JPT2: variants seen among roughly 807,000 people sequenced by gnomAD.
JPT2 encodes Jupiter microtubule associated homolog 2.
Under a neutral mutation model 15.9 loss-of-function variants are expected in JPT2, and 9 were observed. The ratio of observed to expected loss-of-function variants is 0.57; its 90% CI spans 0.34 to 0.99. The LOEUF (loss-of-function observed/expected upper bound fraction) is 0.99. Among genes scored for constraint, JPT2 ranks in the 50% least tolerant of loss-of-function variants. The pLI is 0.02. For missense variants in JPT2, 267 were observed against 252.1 expected, an observed-to-expected ratio of 1.06 and a Z score of -0.40; for synonymous variants, 95 against 91.7, an observed-to-expected ratio of 1.04 and a Z score of -0.21.
chr16:1,702,425 G>T (rs551662741), downstream of JPT2: 5 of 308,630 alleles, frequency 1.6e-5, no homozygotes, highest in Non-Finnish European at 3.3e-5. Context: ...CAGCTCCTCC[G>T]TCTCCAGAGG....
Position 1,698,036 on chromosome 16 carries a change from T to C in JPT2, c.385+176T>C, listed in dbSNP as rs551041933. Among the ~76,000 whole-genome samples the C allele has an allele frequency of 2.1e-3, 322 of 152,240 alleles. 2 individuals carry two copies. Among genetic ancestry groups the C allele is most frequent in the African/African-American group, 7.3e-3 (303 of 41,560 alleles). Reference sequence around the variant, plus strand: ...ATTCAGCATTTGAAGAAGGCTAGGGTGAAACCCTGGGACTTGGTTGTCTTG... The same window carrying C: ...ATTCAGCATTTGAAGAAGGCTAGGGCGAAACCCTGGGACTTGGTTGTCTTG... On this transcript the variant is annotated intron_variant, in intron 4 of 4. Coordinates refer to ENST00000248098, the MANE Select transcript of JPT2 (RefSeq NM_144570.3). This position sits in a 1 kb window ranked among gnomAD's most constrained non-coding sequence, Gnocchi z 4.9.
At chr16:1,691,480 C>T (rs1316952165) in intron 2 of JPT2, among the ~76,000 whole-genome samples, 2 of 152,142 alleles carry the variant, frequency 1.3e-5, no homozygotes, top group African/African-American at 2.4e-5. Context: ...TTTTAATCTA[C>T]TGAAGAACTT....
intron 3 of JPT2, among the ~76,000 whole-genome samples, chr16:1,697,241 C>T (rs949204335): frequency 1.3e-5 from 2 of 152,224 alleles, no homozygotes; most frequent in Non-Finnish European, 2.9e-5. Flanking sequence ...AGGCTGGGCA[C>T]AGTGGCTCAC....
In JPT2 at chr16:1,700,542, T is replaced by G; in HGVS notation, c.*1544T>G. 1 of 186,118 alleles carries G rather than the reference T, an allele frequency of 5.4e-6. No individual in the cohort carries two copies. The highest frequency in any genetic ancestry group is 5.2e-5 in the Admixed American group (1 of 19,112). The allele number at this position is 186,118 out of a possible 1,614,324, so 11.5% of individuals were successfully genotyped here. A position where few individuals can be genotyped will look rare whatever the true frequency, so the allele number is the denominator to read the frequency against. On this transcript the variant is annotated 3_prime_UTR_variant, in exon 5 of 5. Transcript: ENST00000248098. ...TGCTTAAGTGCCTGCAGGAGCCGCCTGCCAAGCTCCCCTTCCTACACCTGG... is the reference window on the plus strand; with the variant it reads ...TGCTTAAGTGCCTGCAGGAGCCGCCGGCCAAGCTCCCCTTCCTACACCTGG...
rs747530437 is a variant in JPT2 at position 1,699,107 on chromosome 16, AT to A, written c.*110del. On this transcript the variant is annotated 3_prime_UTR_variant, in exon 5 of 5. Transcript: ENST00000248098. ...GCGGGGTGGGAAGAGGGTTAGTCTT[AT>A]GTGAGCCTGGCTGCTCAGCGTCTCC... 1.0e-5 allele frequency: 12 copies of A among 1,171,082 alleles called. No individual in the cohort carries two copies. Among genetic ancestry groups the A allele is most frequent in the Non-Finnish European group, 1.5e-5 (12 of 795,752 alleles). 72.5% of individuals were successfully genotyped at this position (1,171,082 alleles called of 1,614,324 possible). A position where few individuals can be genotyped will look rare whatever the true frequency, so the allele number is the denominator to read the frequency against.
rs955089775 is a variant in JPT2, at chr16:1,699,355, C to G, written c.*357C>G. 2.1e-6 allele frequency: 1 copy of G among 483,390 alleles called. No homozygotes were observed. The highest frequency in any genetic ancestry group is 1.9e-5 in the African/African-American group (1 of 51,682). 29.9% of individuals were successfully genotyped at this position (483,390 alleles called of 1,614,324 possible). A position where few individuals can be genotyped will look rare whatever the true frequency, so the allele number is the denominator to read the frequency against. On this transcript the variant is annotated 3_prime_UTR_variant, in exon 5 of 5. Transcript: ENST00000248098. Reference sequence around the variant, plus strand: ...TAGGAATGACTGAAAGAAACCAAAACAGCCTGTCCACTGCTGCTGTGGGAT... The same window carrying G: ...TAGGAATGACTGAAAGAAACCAAAAGAGCCTGTCCACTGCTGCTGTGGGAT...
chr16:1,702,504 C>A (rs533745284), downstream of JPT2, among the ~76,000 whole-genome samples: 2 of 152,344 alleles, frequency 1.3e-5, no homozygotes, highest in African/African-American at 4.8e-5. Context: ...GAATAACAGA[C>A]CCCGAAGGGT....
chr16:1,688,799 T>C (rs1756609503), intron 2 of JPT2: 1 of 152,258 alleles, frequency 6.6e-6, no homozygotes, highest in Admixed American at 6.5e-5. Context: ...CTCTCGAGTT[T>C]ATCTTCAATT....
chr16:1,690,416 C>T (rs2142226027), intron 2 of JPT2: 1 of 152,316 alleles, frequency 6.6e-6, no homozygotes, highest in African/African-American at 2.4e-5. Context: ...CTGTCTCTGC[C>T]TATATAAATG....
rs1356420134 is a variant in JPT2 at position 1,701,510 on chromosome 16, G to GTT, written c.*2513_*2514dup. 1 of 151,978 alleles carries GTT rather than the reference G, an allele frequency of 6.6e-6. No individual in the cohort carries two copies. The highest frequency in any genetic ancestry group is 1.5e-5 in the Non-Finnish European group (1 of 67,990). The allele number at this position is 151,978 out of a possible 1,614,324, so 9.4% of individuals were successfully genotyped here. On this transcript the variant is annotated 3_prime_UTR_variant, in exon 5 of 5. Transcript: ENST00000248098. ...GAAAGAGTTTGCCTTGTTTTGTTTT[G>GTT]TTGTTTTGTATTTAGCCAGAGGATG...
Position 1,678,351 on chromosome 16 carries a change from C to T in JPT2, c.39C>T (p.Gly13=), listed in dbSNP as rs763114509. 2 of 1,232,102 alleles carry T rather than the reference C, an allele frequency of 1.6e-6. No individual in the cohort carries two copies. The highest frequency in any genetic ancestry group is 2.0e-6 in the Non-Finnish European group (2 of 985,864). 76.3% of individuals were successfully genotyped at this position (1,232,102 alleles called of 1,614,324 possible). Residue 13 remains glycine, a synonymous_variant, in exon 1 of 5, where the codon GGC becomes GGT. Coordinates refer to ENST00000248098, the MANE Select transcript of JPT2 (RefSeq NM_144570.3). ...QVPDSEGGRA[G]SRAMKPPGGE... is the part of the protein sequence containing the mutation. ...CGGATAGCGAGGGCGGCCGCGCCGG[C>T]TCCAGGTGCGGCGCGGGGCACACGG...
intron 2 of JPT2, among the ~76,000 whole-genome samples, chr16:1,687,371 A>C (rs2037074456): frequency 6.6e-6 from 1 of 152,150 alleles, no homozygotes; most frequent in South Asian, 2.1e-4. Flanking sequence ...TTATTAAGTG[A>C]CTAACATTCT....
chr16:1,702,212 G>C, downstream of JPT2: 1 of 453,220 alleles, frequency 2.2e-6, no homozygotes, highest in Non-Finnish European at 4.4e-6. Flanking sequence ...ACACCATTCT[G>C]CCTGCTAGAT....
In JPT2 at chr16:1,696,008, C is replaced by T. The variant is rs184776370; in HGVS notation, c.337-1804C>T. Among the ~76,000 whole-genome samples the T allele has an allele frequency of 3.6e-3, 555 of 152,244 alleles. 4 individuals carry two copies. The highest frequency in any genetic ancestry group is 0.013 in the African/African-American group (523 of 41,558). On this transcript the variant is annotated intron_variant, in intron 3 of 4. Transcript: ENST00000248098. Reference sequence around the variant, plus strand: ...CTTTGGGAGGCCGAGGTGGGCAGATCACCTGAGGTCAAGAGTTCGAGACCA... The same window carrying T: ...CTTTGGGAGGCCGAGGTGGGCAGATTACCTGAGGTCAAGAGTTCGAGACCA...
At chr16:1,685,409 CA>C (rs748196897) in intron 1 of JPT2, 29 bp from the exon 2 acceptor site, 3 of 1,607,792 alleles carry the variant, frequency 1.9e-6, no homozygotes, top group Non-Finnish European at 2.6e-6. Context: ...GGTCTGCCAT[CA>C]GTAATTGGCA....
rs981901814 is a variant in JPT2 at position 1,698,909 on chromosome 16, A to G, written c.484A>G (p.Ser162Gly). The change falls in exon 5 of 5, where the codon AGC becomes GGC. Residue 162 changes from serine (S) to glycine (G), a missense_variant. By Grantham distance (56) the Ser-to-Gly change is moderately conservative. Transcript: ENST00000248098. The surrounding 1 kb of genome is among the most constrained non-coding windows in gnomAD (Gnocchi z 4.9). The part of the protein sequence containing the change: ...KEQEPMPTVD[S>G]HEPRLGPRPR... The stretch of plus-strand genomic sequence containing the variant: ...GCAGGAGCCCATGCCCACAGTCGAC[A>G]GCCATGAGCCCCGGCTGGGGCCGCG... 6.2e-7 allele frequency: 1 copy of G among 1,614,254 alleles called. No individual in the cohort carries two copies. Among genetic ancestry groups the G allele is most frequent in the Non-Finnish European group, 8.5e-7 (1 of 1,180,040 alleles).
chr16:1,697,438 A>G (rs577652341), intron 3 of JPT2, among the ~76,000 whole-genome samples: 15 of 152,168 alleles, frequency 9.9e-5, no homozygotes, highest in African/African-American at 3.6e-4. Flanking sequence ...GCTTCAGCCC[A>G]GGAGGCAGAG....
intron 3 of JPT2, among the ~76,000 whole-genome samples, chr16:1,695,405 C>CA (rs35052397): frequency 6.6e-3 from 801 of 121,318 alleles, no homozygotes; most frequent in African/African-American, 0.012. Flanking sequence ...AACTCCGTCC[C>CA]AAAAAAAAAA....
At position 1,700,332 on chromosome 16, in the gene JPT2, A is replaced by G. The variant is rs1396558512; in HGVS notation, c.*1334A>G. 2.9e-6 allele frequency: 1 copy of G among 344,196 alleles called. No individual in the cohort carries two copies. The highest frequency in any genetic ancestry group is 2.1e-5 in the South Asian group (1 of 47,392). 21.3% of individuals were successfully genotyped at this position (344,196 alleles called of 1,614,324 possible). A position where few individuals can be genotyped will look rare whatever the true frequency, so the allele number is the denominator to read the frequency against. On this transcript the variant is annotated 3_prime_UTR_variant, in exon 5 of 5. Transcript: ENST00000248098. ...CAGAAGCCTCTGCCCATCCCCCTCA[A>G]GGGCTGCAGGCCCAGTTCTCATGCT...
Sources: gnomAD v4.1 joint callset for allele counts (sites outside exome capture counted in the v4.1 genomes callset) on GRCh38, gnomAD v4.1.1 for gene constraint, Gnocchi (gnomAD v3.1) non-coding constraint, MANE v1.5 for transcripts, NCBI Gene and HGNC (gene_info 2026-07-23, HGNC 2026-07-21) for gene names.